The following ULK4 variants were observed in gnomAD, a reference collection of about 807,000 sequenced individuals.
ULK4 encodes inactive serine/threonine-protein kinase ULK4.
In ULK4, 133 loss-of-function variants were observed where a neutral mutation model predicts 160.6. That is an observed-to-expected ratio of 0.83 (90% CI 0.72 to 0.96). The LOEUF (loss-of-function observed/expected upper bound fraction) is 0.96. ULK4 is among the 40% of genes least tolerant of loss of function. The pLI is 0.00. For synonymous variants in ULK4, 534 were observed against 539.8 expected (o/e 0.99, Z 0.15); for missense variants, 1,580 against 1,499.5 (o/e 1.05, Z -0.89).
rs558901788 is a variant in ULK4, at chr3:41,717,849, G to A, written c.2334C>T (p.Tyr778=). 1.6e-5 allele frequency: 26 copies of A among 1,613,880 alleles called. No individual in the cohort carries two copies. In the Middle Eastern group the frequency reaches 8.2e-4, roughly 51 times the overall value. The change falls in exon 23 of 37, where the codon TAC becomes TAT. Residue 778 remains tyrosine (Y), a synonymous_variant. Transcript: ENST00000301831. ...LLSCQARLVM[Y]IERDSRKTTP... ...TGGTCTTTCTGCTGTCTCTCTCGAT[G>A]TACATCACCAGTCTACATACAGGAA...
intron 35 of ULK4, among the ~76,000 whole-genome samples, chr3:41,383,071 G>A (rs1222832022): frequency 6.6e-6 from 1 of 151,724 alleles, no homozygotes; most frequent in Non-Finnish European, 1.5e-5. Context: ...ACAACCACAA[G>A]GAGGTATTTT....
intron 34 of ULK4, among the ~76,000 whole-genome samples, chr3:41,405,071 T>C (rs1307234950): frequency 6.6e-6 from 1 of 152,160 alleles, no homozygotes; most frequent in African/African-American, 2.4e-5. Flanking sequence ...ATTGCTCCCG[T>C]CACCCAGGTA....
At chr3:41,805,831 A>G (rs1189181274) in intron 19 of ULK4, among the ~76,000 whole-genome samples, 1 of 146,428 alleles carries the variant, frequency 6.8e-6, no homozygotes. Context: ...CCAGGGATGA[A>G]GCCCACTTGA....
chr3:41,795,014 G>A (rs1253572028), intron 20 of ULK4, among the ~76,000 whole-genome samples: 1 of 152,180 alleles, frequency 6.6e-6, no homozygotes, highest in Non-Finnish European at 1.5e-5. Context: ...GCAAGATACT[G>A]AAGGTCATGT....
At chr3:41,527,470 T>C (rs1327816512) in intron 32 of ULK4, among the ~76,000 whole-genome samples, 4 of 152,224 alleles carry the variant, frequency 2.6e-5, no homozygotes, top group Non-Finnish European at 5.9e-5. Context: ...ACTATTATTA[T>C]CCTATCACAT....
intron 30 of ULK4, among the ~76,000 whole-genome samples, chr3:41,643,505 T>C (rs1365101147): frequency 1.3e-5 from 2 of 152,232 alleles, no homozygotes; most frequent in East Asian, 3.8e-4. Context: ...TAGTTGAAGA[T>C]ATGCGGCATT....
At chr3:41,423,731 G>A (rs1177694506) in intron 34 of ULK4, among the ~76,000 whole-genome samples, 2 of 152,146 alleles carry the variant, frequency 1.3e-5, no homozygotes, top group African/African-American at 4.8e-5. Context: ...CATGGGGAGT[G>A]AGGAAAAGCA....
intron 32 of ULK4, among the ~76,000 whole-genome samples, chr3:41,525,350 G>GA (rs147325283): frequency 0.013 from 1,958 of 152,104 alleles, 39 homozygotes; most frequent in African/African-American, 0.045. Flanking sequence ...TGAATAGCAA[G>GA]AAAAAAAATA....
chr3:41,264,985 C>T (rs1020133533), intron 35 of ULK4, among the ~76,000 whole-genome samples: 10 of 152,312 alleles, frequency 6.6e-5, no homozygotes, highest in South Asian at 4.1e-4. Flanking sequence ...GGCCTAAGAC[C>T]TAATCCCCAC....
chr3:41,853,054 C>T (rs917175867), intron 17 of ULK4, among the ~76,000 whole-genome samples: 4 of 152,164 alleles, frequency 2.6e-5, no homozygotes, highest in African/African-American at 9.7e-5. Flanking sequence ...GAAACACTGC[C>T]TCTAATGAAG....
At chr3:41,901,505 G>C (rs1698363232) in intron 12 of ULK4, among the ~76,000 whole-genome samples, 1 of 14,172 alleles carries the variant, frequency 7.1e-5, no homozygotes, top group Admixed American at 2.1e-3. Flanking sequence ...TTTTGAGATA[G>C]AGTCTCACTC....
At chr3:41,583,985 CTTCCAAA>C (rs2030585585) in intron 31 of ULK4, among the ~76,000 whole-genome samples, 2 of 152,164 alleles carry the variant, frequency 1.3e-5, no homozygotes, top group South Asian at 4.1e-4. Context: ...AACCTATTTG[CTTCCAAA>C]AAGTGTCATG....
intron 31 of ULK4, among the ~76,000 whole-genome samples, chr3:41,593,274 A>G (rs534912216): frequency 1.3e-5 from 2 of 152,214 alleles, no homozygotes; most frequent in Non-Finnish European, 2.9e-5. Flanking sequence ...TCACTGAAAG[A>G]CTTTCAAAGA....
intron 34 of ULK4, among the ~76,000 whole-genome samples, chr3:41,431,316 A>C (rs370817518): frequency 3.3e-5 from 5 of 151,216 alleles, no homozygotes; most frequent in African/African-American, 9.7e-5. Context: ...CCGCTGCACT[A>C]CAGCCAGGCA....
At chr3:41,749,104 T>C (rs1196076490) in intron 22 of ULK4, among the ~76,000 whole-genome samples, 6 of 152,252 alleles carry the variant, frequency 3.9e-5, no homozygotes, top group Admixed American at 2.0e-4. Context: ...AAACCATACA[T>C]GGAATACTCA....
rs139777006 is a variant in ULK4, at chr3:41,381,692, C to A, written c.3678+16387G>T. Reference sequence around the variant, plus strand: ...GATCAGGACTCTGCTGATACAGCAACCCCCTGACATGTATCTCTTATCCTT... The same window carrying A: ...GATCAGGACTCTGCTGATACAGCAAACCCCTGACATGTATCTCTTATCCTT... On this transcript the variant is annotated intron_variant, in intron 35 of 36. Transcript: ENST00000301831. Among the ~76,000 whole-genome samples the A allele has an allele frequency of 1.7e-4, 26 of 152,238 alleles. No homozygotes were observed. In the East Asian group the frequency reaches 5.0e-3, roughly 29 times the overall value.
rs959429013 is a variant in ULK4 at position 41,473,682 on chromosome 3, A to G, written c.3227-10429T>C. On this transcript the variant is annotated intron_variant, in intron 32 of 36. Transcript: ENST00000301831. ...GTCTCAAAGAAAAAAAAAAAAAAAA[A>G]AAGAAGAACTAATAAATACAGTTAA... Among the ~76,000 whole-genome samples, 43 of 150,954 alleles carry G rather than the reference A, an allele frequency of 2.8e-4. No homozygotes were observed. The East Asian group carries it at 2.9e-3, about 10-fold the overall frequency.
intron 30 of ULK4, among the ~76,000 whole-genome samples, chr3:41,640,412 G>A (rs2034135733): frequency 6.6e-6 from 1 of 152,110 alleles, no homozygotes. Flanking sequence ...CGGTATTTGA[G>A]TGCTACTGTT....
intron 31 of ULK4, among the ~76,000 whole-genome samples, chr3:41,577,745 G>C (rs930955822): frequency 2.0e-5 from 3 of 152,142 alleles, no homozygotes; most frequent in African/African-American, 4.8e-5. Flanking sequence ...ATAAAGAGGA[G>C]GGTCAGGGCT....
Sources: gnomAD v4.1 joint callset for allele counts (sites outside exome capture counted in the v4.1 genomes callset) on GRCh38, gnomAD v4.1.1 for gene constraint, MANE v1.5 for transcripts, NCBI Gene and HGNC (gene_info 2026-07-23, HGNC 2026-07-21) for gene names.